The following SULT2A1 variants were observed in gnomAD, a reference collection of about 807,000 sequenced individuals.
SULT2A1 encodes sulfotransferase 2A1.
A neutral mutation model predicts 33.9 loss-of-function variants in SULT2A1; 43 were observed. The observed-to-expected ratio is 1.27, with a 90% CI of 1.00 to 1.64. The LOEUF (loss-of-function observed/expected upper bound fraction) is 1.64. Ranked by LOEUF, SULT2A1 falls within the 40% of genes most tolerant of loss-of-function variation. The pLI, the probability that SULT2A1 is intolerant of heterozygous loss-of-function variation, is 0.00. For missense variants in SULT2A1, 300 were observed against 335.1 expected, an observed-to-expected ratio of 0.90 and a Z score of 0.82; for synonymous variants, 125 against 113.6, an observed-to-expected ratio of 1.10 and a Z score of -0.64.
chr19:47,871,237 G>A lies in SULT2A1; in HGVS notation c.*218C>T, dbSNP rs1437359776. On this transcript the variant is annotated 3_prime_UTR_variant, in exon 6 of 6. Coordinates refer to ENST00000222002, the MANE Select transcript of SULT2A1 (RefSeq NM_003167.4). ...AGTCTCCTGACCTCGTGATCCGCCC[G>A]TCTCGGCCTCCCATAGTGCTGGGAT... 3.6e-5 allele frequency: 18 copies of A among 495,448 alleles called. No individual in the cohort carries two copies. Among genetic ancestry groups the A allele is most frequent in the South Asian group, 1.2e-4 (4 of 32,158 alleles). 30.7% of individuals were successfully genotyped at this position (495,448 alleles called of 1,614,324 possible).
intron 5 of SULT2A1, among the ~76,000 whole-genome samples, chr19:47,873,591 A>G (rs1968513044): frequency 1.4e-5 from 2 of 142,002 alleles, no homozygotes; most frequent in Admixed American, 1.4e-4. Flanking sequence ...TCCTTCACAC[A>G]TTTCTTCATC....
chr19:47,873,614 C>CTTTT (rs61271763), intron 5 of SULT2A1, among the ~76,000 whole-genome samples: 3 of 62,062 alleles, frequency 4.8e-5, no homozygotes, highest in African/African-American at 7.8e-5. Context: ...GGACAGATCT[C>CTTTT]TTTTTTTTTT....
intron 4 of SULT2A1, among the ~76,000 whole-genome samples, chr19:47,878,795 G>A (rs1226296861): frequency 1.3e-5 from 2 of 152,196 alleles, no homozygotes; most frequent in East Asian, 1.9e-4. Flanking sequence ...GATTACAGGC[G>A]CCAGCCAACG....
At chr19:47,882,382 G>T (rs1338438560) in intron 2 of SULT2A1, among the ~76,000 whole-genome samples, 172 bp from the exon 3 acceptor site, 7 of 152,086 alleles carry the variant, frequency 4.6e-5, no homozygotes, top group African/African-American at 1.7e-4. Context: ...TGCCTATGAA[G>T]TAGTCACTGC....
intron 4 of SULT2A1, among the ~76,000 whole-genome samples, chr19:47,877,366 G>A (rs866982117): frequency 5.3e-5 from 8 of 149,652 alleles, no homozygotes; most frequent in Admixed American, 3.4e-4. Context: ...TGGGTCCTGA[G>A]TAGCTGGGAC....
At position 47,885,788 on chromosome 19, in the gene SULT2A1, T is replaced by G. The variant is rs139403803; in HGVS notation, c.136+334A>C. Among the ~76,000 whole-genome samples the G allele has an allele frequency of 2.8e-3, 431 of 152,338 alleles. 3 individuals carry two copies. The highest frequency in any genetic ancestry group is 4.5e-3 in the Non-Finnish European group (303 of 68,040). On this transcript the variant is annotated intron_variant, in intron 1 of 5. Transcript: ENST00000222002. ...CCCAAGTAATTTCATACTCATTCTT[T>G]GCATTTCCATTTAAATGCTATTTCT...
At chr19:47,876,721 G>A (rs1029096010) in intron 4 of SULT2A1, among the ~76,000 whole-genome samples, 1 of 141,880 alleles carries the variant, frequency 7.0e-6, no homozygotes, top group African/African-American at 2.6e-5. Flanking sequence ...AATGAACTGA[G>A]ATTGCGCCAC....
chr19:47,875,678 C>G (rs1289776038), intron 4 of SULT2A1, among the ~76,000 whole-genome samples: 1 of 151,920 alleles, frequency 6.6e-6, no homozygotes, highest in Non-Finnish European at 1.5e-5. Flanking sequence ...CAAAACCAAC[C>G]AGAAAACCAC....
intron 1 of SULT2A1, among the ~76,000 whole-genome samples, chr19:47,884,316 C>T (rs1235886973): frequency 4.0e-5 from 6 of 151,078 alleles, no homozygotes; most frequent in Non-Finnish European, 7.4e-5. Context: ...GGACTACAGG[C>T]GCCCACCACC....
chr19:47,871,589 T>G (rs1490415808), intron 5 of SULT2A1, 22 bp from the exon 6 acceptor site: 1 of 1,536,272 alleles, frequency 6.5e-7, no homozygotes, highest in South Asian at 1.1e-5. Flanking sequence ...AAGCAGAAAC[T>G]CAGGTCAGAC....
At chr19:47,883,435 G>T in intron 2 of SULT2A1, 142 bp downstream of exon 2, 1 of 805,590 alleles carries the variant, frequency 1.2e-6, no homozygotes, top group South Asian at 1.7e-5. Context: ...CCACATAGGT[G>T]TCACCTAATA....
rs1968611064 is a variant in SULT2A1, at chr19:47,882,202, A to G, written c.354T>C (p.Tyr118=). 6.2e-7 allele frequency: 1 copy of G among 1,612,652 alleles called. No homozygotes were observed. Residue 118 remains tyrosine, a synonymous_variant, in exon 3 of 6, where the codon TAT becomes TAC. Transcript: ENST00000222002. ...SFFSSKAKVI[Y]LMRNPRDVLV... is the part of the protein sequence containing the mutation. ...AAACATCTCTGGGATTTCTCATGAG[A>G]TAAATCACCTTAAATGGAAAAACGG...
At chr19:47,885,252 T>C (rs1968645061) in intron 1 of SULT2A1, among the ~76,000 whole-genome samples, 1 of 152,174 alleles carries the variant, frequency 6.6e-6, no homozygotes, top group Admixed American at 6.5e-5. Context: ...CATTTACCCT[T>C]CTCTTCAGCC....
Position 47,883,634 on chromosome 19 carries a change from G to A in SULT2A1, c.288C>T (p.Phe96=), listed in dbSNP as rs1235429873. ...ALSETESPRL[F]SSHLPIQLFP... Reference sequence around the variant, plus strand: ...ATAACTGGATGGGGAGGTGGGAGGAGAATAAACGTGGACTCTCCGTTTCAC... The same window carrying A: ...ATAACTGGATGGGGAGGTGGGAGGAAAATAAACGTGGACTCTCCGTTTCAC... Residue 96 remains phenylalanine, a synonymous_variant, in exon 2 of 6, where the codon TTC becomes TTT. Coordinates refer to ENST00000222002, the MANE Select transcript of SULT2A1 (RefSeq NM_003167.4). 5.6e-6 allele frequency: 9 copies of A among 1,613,904 alleles called. No individual in the cohort carries two copies. The highest frequency in any genetic ancestry group is 3.3e-4 in the Middle Eastern group (2 of 6,084).
chr19:47,886,096 C>T, intron 1 of SULT2A1, 26 bp downstream of exon 1: 1 of 1,610,038 alleles, frequency 6.2e-7, no homozygotes, highest in Non-Finnish European at 8.5e-7. Context: ...CACAGCCTTT[C>T]TCAGTTCACG....
intron 1 of SULT2A1, among the ~76,000 whole-genome samples, 190 bp from the exon 2 acceptor site, chr19:47,883,975 G>A (rs952448343): frequency 6.6e-6 from 1 of 150,580 alleles, no homozygotes; most frequent in Admixed American, 6.6e-5. Flanking sequence ...GTATGGTGGC[G>A]GGCGCCTAAA....
intron 4 of SULT2A1, among the ~76,000 whole-genome samples, chr19:47,876,954 G>T (rs922155161): frequency 6.7e-6 from 1 of 149,752 alleles, no homozygotes; most frequent in African/African-American, 2.4e-5. Flanking sequence ...GCGTGCATCT[G>T]TAGTCCCAGC....
chr19:47,873,976 C>T lies in SULT2A1; in HGVS notation c.745+681G>A, dbSNP rs192430911. 2.2e-4 allele frequency among the ~76,000 whole-genome samples: 33 copies of T among 152,172 alleles called. No individual in the cohort carries two copies. In the East Asian group the frequency reaches 6.4e-3, roughly 30 times the overall value. ...ACCAGTGGGGCAGCTGCACTGTGGC[C>T]ATCCCCAACCCCGTCCTTGTCCTCA... On this transcript the variant is annotated intron_variant, in intron 5 of 5. Transcript: ENST00000222002.
intron 3 of SULT2A1, among the ~76,000 whole-genome samples, chr19:47,881,391 C>T (rs10425629): frequency 0.86 from 130,730 of 151,328 alleles, 56,624 homozygotes; most frequent in East Asian, 1. Context: ...AGGTTGGTCT[C>T]GAACTCCTGA....
Sources: allele counts gnomAD v4.1 joint callset (sites outside exome capture counted in the v4.1 genomes callset), GRCh38; gene constraint gnomAD v4.1.1; transcripts MANE v1.5; gene names NCBI Gene and HGNC (gene_info 2026-07-23, HGNC 2026-07-21).